Variants in APH1B observed in about 807,000 individuals in gnomAD.
APH1B encodes the protein aph-1B gamma-secretase subunit.
Under a neutral mutation model 28.2 loss-of-function variants are expected in APH1B, and 27 were observed. The observed-to-expected ratio is 0.96, with a 90% CI of 0.70 to 1.32. The LOEUF (loss-of-function observed/expected upper bound fraction) is 1.32. Ranked by LOEUF, APH1B falls within the 40% of genes most tolerant of loss-of-function variation. The pLI is 0.00. For missense variants in APH1B, 305 were observed against 313.6 expected (o/e 0.97, Z 0.21); for synonymous variants, 141 against 124.6 (o/e 1.13, Z -0.88).
In APH1B at chr15:63,279,057, GA is replaced by G. The variant is rs1239626125; in HGVS notation, c.114-101del. ...TTTCTTTTCCTTATTGAAACGTCAA[GA>G]AATCTCTTCCTTCTCAAGCAGGTTT... On this transcript the variant is annotated intron_variant, in intron 1 of 5. Transcript: ENST00000261879. 32 of 951,780 alleles carry G rather than the reference GA, an allele frequency of 3.4e-5. 1 individual carries two copies. In the Admixed American group the frequency reaches 6.9e-4, roughly 20 times the overall value. 59.0% of individuals were successfully genotyped at this position (951,780 alleles called of 1,614,324 possible).
intron 4 of APH1B, among the ~76,000 whole-genome samples, chr15:63,299,493 C>T (rs1423605821): frequency 6.6e-6 from 1 of 152,172 alleles, no homozygotes; most frequent in African/African-American, 2.4e-5. Context: ...CAAGCTCCGC[C>T]TCCCAGGTTC....
At position 63,286,692 on chromosome 15, in the gene APH1B, A is replaced by G. The variant is rs111923839; in HGVS notation, c.355+64A>G. The stretch of plus-strand genomic sequence containing the variant: ...CATACTTGGCATAAAAGTCATTTGC[A>G]TCTTTTGTATCTTTGTAGATTTCAA... On this transcript the variant is annotated intron_variant, in intron 3 of 5. Coordinates refer to ENST00000261879, the MANE Select transcript of APH1B (RefSeq NM_031301.4). The G allele has an allele frequency of 9.6e-5, 134 of 1,402,306 alleles. 1 individual carries two copies. The African/African-American group carries it at 1.7e-3, about 18-fold the overall frequency. 86.9% of individuals were successfully genotyped at this position (1,402,306 alleles called of 1,614,324 possible).
At chr15:63,291,590 T>C (rs532113325) in intron 4 of APH1B, 1 of 152,314 alleles carries the variant, frequency 6.6e-6, no homozygotes, top group South Asian at 2.1e-4. Flanking sequence ...CTAGAAGCCA[T>C]GGCCTGTGGG....
Position 63,277,702 on chromosome 15 carries a change from A to C in APH1B, c.79A>C (p.Thr27Pro). 1 of 1,610,530 alleles carries C rather than the reference A, an allele frequency of 6.2e-7. No individual in the cohort carries two copies. Among genetic ancestry groups the C allele is most frequent in the East Asian group, 2.3e-5 (1 of 44,426 alleles). Reference protein sequence around the residue: ...ALALYVFTIATEPLRIIFLIA... With the variant: ...ALALYVFTIAPEPLRIIFLIA... ...CGCCCTTTATGTCTTCACCATCGCC[A>C]CCGAGCCGTTGCGTATCATCTTCCT... Residue 27 changes from threonine to proline, a missense_variant, in exon 1 of 6, where the codon ACC becomes CCC. Transcript: ENST00000261879.
At chr15:63,285,604 A>C (rs577486606) in intron 2 of APH1B, among the ~76,000 whole-genome samples, 8 of 152,324 alleles carry the variant, frequency 5.3e-5, no homozygotes, top group African/African-American at 1.9e-4. Context: ...CAACAGAAGG[A>C]TGCATAAGAT....
At chr15:63,302,831 G>A (rs1343818625) in intron 5 of APH1B, among the ~76,000 whole-genome samples, 1 of 152,080 alleles carries the variant, frequency 6.6e-6, no homozygotes, top group African/African-American at 2.4e-5. Context: ...TATAACACAT[G>A]TGTCCTTGGC....
At chr15:63,297,218 T>G (rs985372590) in intron 4 of APH1B, among the ~76,000 whole-genome samples, 1 of 152,214 alleles carries the variant, frequency 6.6e-6, no homozygotes, top group African/African-American at 2.4e-5. Context: ...TAGGGAAGTT[T>G]TTTTGGCTTA....
At chr15:63,297,134 A>G (rs1277938164) in intron 4 of APH1B, among the ~76,000 whole-genome samples, 1 of 152,250 alleles carries the variant, frequency 6.6e-6, no homozygotes, top group African/African-American at 2.4e-5. Context: ...AATGTATTAC[A>G]ACATATAAAA....
intron 4 of APH1B, among the ~76,000 whole-genome samples, chr15:63,289,277 A>G (rs986167991): frequency 6.6e-5 from 10 of 152,214 alleles, no homozygotes; most frequent in African/African-American, 2.4e-4. Flanking sequence ...TTATAAATTT[A>G]AGAAATTAAT....
intron 1 of APH1B, chr15:63,278,491 C>G (rs2038350222): frequency 2.7e-6 from 1 of 377,080 alleles, no homozygotes; most frequent in Middle Eastern, 9.2e-4. Context: ...GTTTCTTCAC[C>G]TCCCACAAAC....
intron 1 of APH1B, 35 bp from the exon 2 acceptor site, chr15:63,279,126 T>A: frequency 6.5e-7 from 1 of 1,541,850 alleles, no homozygotes; most frequent in East Asian, 2.3e-5. Flanking sequence ...CCTGTACTGA[T>A]GTTCACTTGT....
chr15:63,286,985 G>A lies in APH1B; in HGVS notation c.355+357G>A, dbSNP rs186635191. Among the ~76,000 whole-genome samples the A allele has an allele frequency of 7.2e-5, 11 of 152,226 alleles. No individual in the cohort carries two copies. The South Asian group carries it at 1.4e-3, about 20-fold the overall frequency. On this transcript the variant is annotated intron_variant, in intron 3 of 5. Transcript: ENST00000261879. ...ATATTAAAGCAGTTAATATCTCTGC[G>A]TATTACACTTTGAGAATTATGTTTA...
rs182222575 is a variant in APH1B, at chr15:63,290,358, G to T, written c.478+2812G>T. ...TTGGTAATTTTGTATAGAGACAAAA[G>T]TATGGGAATTGGAATCCTAGGTTCG... On this transcript the variant is annotated intron_variant, in intron 4 of 5. Coordinates refer to ENST00000261879, the MANE Select transcript of APH1B (RefSeq NM_031301.4). 2.8e-3 allele frequency among the ~76,000 whole-genome samples: 425 copies of T among 152,306 alleles called. 2 individuals carry two copies. The highest frequency in any genetic ancestry group is 9.8e-3 in the African/African-American group (406 of 41,558).
intron 2 of APH1B, among the ~76,000 whole-genome samples, chr15:63,283,863 A>G (rs1010855667): frequency 3.3e-5 from 5 of 152,122 alleles, no homozygotes; most frequent in African/African-American, 1.2e-4. Context: ...TAGTTTTTAT[A>G]TATGGTGTAA....
intron 4 of APH1B, 41 bp downstream of exon 4, chr15:63,287,587 A>C: frequency 6.2e-7 from 1 of 1,603,266 alleles, no homozygotes; most frequent in Non-Finnish European, 8.5e-7. Flanking sequence ...CTTCTAGTCT[A>C]AATGATCATT....
chr15:63,284,405 G>A (rs1161468451), intron 2 of APH1B, among the ~76,000 whole-genome samples: 2 of 151,818 alleles, frequency 1.3e-5, no homozygotes, highest in Non-Finnish European at 2.9e-5. Flanking sequence ...GTAGAGATGG[G>A]GATTCACCAT....
chr15:63,296,009 C>T (rs533577089), intron 4 of APH1B, among the ~76,000 whole-genome samples: 11 of 152,260 alleles, frequency 7.2e-5, no homozygotes, highest in Non-Finnish European at 1.5e-4. Context: ...AAAATAATGT[C>T]TTAGAGAAGG....
chr15:63,283,127 C>T (rs773610704), intron 2 of APH1B, among the ~76,000 whole-genome samples: 18 of 152,162 alleles, frequency 1.2e-4, no homozygotes, highest in Admixed American at 3.9e-4. Flanking sequence ...TTTCCTCCCA[C>T]GTACTTCCAT....
chr15:63,277,864 G>C lies in APH1B; in HGVS notation c.113+128G>C, dbSNP rs181362424. The C allele has an allele frequency of 5.6e-4, 503 of 901,886 alleles. 3 individuals are homozygous for C. In the African/African-American group the frequency reaches 8.3e-3, roughly 15 times the overall value. The allele number at this position is 901,886 out of a possible 1,614,324, so 55.9% of individuals were successfully genotyped here. On this transcript the variant is annotated intron_variant, in intron 1 of 5. Coordinates refer to ENST00000261879, the MANE Select transcript of APH1B (RefSeq NM_031301.4). ...GTTTCAGACGGGAGGAGGGTTGAGA[G>C]GGGGAGAGCGGAGATCCGGCTCCCC...
Sources: gnomAD v4.1 joint callset for allele counts (sites outside exome capture counted in the v4.1 genomes callset) on GRCh38, gnomAD v4.1.1 for gene constraint, MANE v1.5 for transcripts, NCBI Gene and HGNC (gene_info 2026-07-23, HGNC 2026-07-21) for gene names.